Variants in CNTN4 observed in about 807,000 individuals in gnomAD.
CNTN4 encodes contactin-4.
Under a neutral mutation model 122.5 loss-of-function variants are expected in CNTN4, and 77 were observed. The observed-to-expected ratio is 0.63, with a 90% CI of 0.52 to 0.76. The LOEUF (loss-of-function observed/expected upper bound fraction) is 0.76. Among genes scored for constraint, CNTN4 ranks in the 30% least tolerant of loss-of-function variants. The pLI is 0.00. For missense variants in CNTN4, 1,256 were observed against 1,259.1 expected (o/e 1.00, Z 0.04); for synonymous variants, 512 against 447.0 (o/e 1.15, Z -1.83).
At chr3:2,447,337 GTCTT>G in intron 3 of CNTN4, among the ~76,000 whole-genome samples, 1 of 152,092 alleles carries the variant, frequency 6.6e-6, no homozygotes, top group South Asian at 2.1e-4. Context: ...ATTATCTAAT[GTCTT>G]TAAGAGTTAG....
At chr3:3,048,491 A>ACT (rs1700905752) in intron 23 of CNTN4, among the ~76,000 whole-genome samples, 1 of 133,456 alleles carries the variant, frequency 7.5e-6, no homozygotes, top group African/African-American at 2.8e-5. Flanking sequence ...CCAATGAATA[A>ACT]CTCTCTCTCT....
chr3:2,522,111 A>T (rs927789358), intron 3 of CNTN4, among the ~76,000 whole-genome samples: 3 of 151,656 alleles, frequency 2.0e-5, no homozygotes, highest in African/African-American at 7.3e-5. Flanking sequence ...CTCTACTGAC[A>T]TCATTAGATT....
rs566886914 is a variant in CNTN4 at position 2,612,407 on chromosome 3, G to A, written c.55+40849G>A. Among the ~76,000 whole-genome samples, 3 of 152,138 alleles carry A rather than the reference G, an allele frequency of 2.0e-5. No homozygotes were observed. In the South Asian group the frequency reaches 6.2e-4, roughly 32 times the overall value. ...TGTACAGAAACTTAAAAACAAAATGGTTGTATGGGTATTTGAAGTACAATT... is the reference window on the plus strand; with the variant it reads ...TGTACAGAAACTTAAAAACAAAATGATTGTATGGGTATTTGAAGTACAATT... On this transcript the variant is annotated intron_variant, in intron 4 of 24. Transcript: ENST00000418658.
intron 7 of CNTN4, 124 bp from the exon 8 acceptor site, chr3:2,866,628 G>T: frequency 8.5e-7 from 1 of 1,176,722 alleles, no homozygotes; most frequent in Non-Finnish European, 1.2e-6. Context: ...TCTGTATTTA[G>T]TGGGCTGAAA....
chr3:2,910,991 C>T (rs56234939), intron 12 of CNTN4, among the ~76,000 whole-genome samples: 62,896 of 152,016 alleles, frequency 0.41, 13,361 homozygotes, highest in East Asian at 0.65. Flanking sequence ...GCTGGAGCAC[C>T]TCCCACTCCC....
chr3:2,302,712 C>T (rs745311431), intron 2 of CNTN4, among the ~76,000 whole-genome samples: 10 of 152,178 alleles, frequency 6.6e-5, no homozygotes, highest in Non-Finnish European at 1.2e-4. Flanking sequence ...AACAACTCAC[C>T]ATTTCTGCCC....
intron 2 of CNTN4, among the ~76,000 whole-genome samples, chr3:2,176,629 A>G (rs1297274645): frequency 1.3e-5 from 2 of 152,194 alleles, no homozygotes; most frequent in African/African-American, 4.8e-5. Context: ...TTAGTATAAC[A>G]CTGCTTTAAG....
intron 3 of CNTN4, among the ~76,000 whole-genome samples, chr3:2,354,125 C>T (rs995712461): frequency 6.6e-6 from 1 of 152,244 alleles, no homozygotes; most frequent in African/African-American, 2.4e-5. Context: ...GTTACATAAG[C>T]TTCCCAATAT....
intron 3 of CNTN4, among the ~76,000 whole-genome samples, chr3:2,383,578 A>T (rs1052106941): frequency 2.4e-4 from 37 of 152,030 alleles, no homozygotes; most frequent in Non-Finnish European, 7.4e-5. Context: ...CATAAATGTA[A>T]CGACAGCACT....
intron 4 of CNTN4, among the ~76,000 whole-genome samples, chr3:2,608,074 G>A (rs1386620341): frequency 6.6e-6 from 1 of 152,108 alleles, no homozygotes; most frequent in Non-Finnish European, 1.5e-5. Context: ...TAAAATCACA[G>A]GAATTTATTG....
chr3:2,461,110 A>AG (rs2049189913), intron 3 of CNTN4, among the ~76,000 whole-genome samples: 1 of 152,146 alleles, frequency 6.6e-6, no homozygotes, highest in Admixed American at 6.6e-5. Flanking sequence ...AGGAACCTTG[A>AG]GGCCCATATT....
At chr3:2,467,103 T>C (rs1028262054) in intron 3 of CNTN4, among the ~76,000 whole-genome samples, 2 of 151,574 alleles carry the variant, frequency 1.3e-5, no homozygotes, top group African/African-American at 4.8e-5. Context: ...AATACATATT[T>C]TTCCCATTGG....
chr3:2,594,998 C>T (rs1483101260), intron 4 of CNTN4, among the ~76,000 whole-genome samples: 1 of 152,146 alleles, frequency 6.6e-6, no homozygotes, highest in Non-Finnish European at 1.5e-5. Context: ...GTCCCAATTC[C>T]ATCTCACATT....
chr3:2,230,987 C>CA (rs1189593199), intron 2 of CNTN4, among the ~76,000 whole-genome samples: 1 of 150,876 alleles, frequency 6.6e-6, no homozygotes, highest in East Asian at 2.0e-4. Context: ...GACTCTGTTT[C>CA]AAAAAAACAA....
chr3:3,056,162 G>T lies in CNTN4; in HGVS notation c.3023G>T (p.Cys1008Phe). ...TCTGGGGCTTCCACTTCGAATGCATGTACGCTGTCAGCCATCAGTACAATA... is the reference window on the plus strand; with the variant it reads ...TCTGGGGCTTCCACTTCGAATGCATTTACGCTGTCAGCCATCAGTACAATA... Reference protein sequence around the residue: ...RGSGASTSNACTLSAISTIMI... With the variant: ...RGSGASTSNAFTLSAISTIMI... Residue 1008 changes from cysteine (C) to phenylalanine (F), a missense_variant, in exon 25 of 25, where the codon TGT becomes TTT. Coordinates refer to ENST00000418658, the MANE Select transcript of CNTN4 (RefSeq NM_175607.3). The T allele has an allele frequency of 6.2e-7, 1 of 1,614,136 alleles. No individual in the cohort carries two copies. Among genetic ancestry groups the T allele is most frequent in the Non-Finnish European group, 8.5e-7 (1 of 1,179,996 alleles).
At chr3:2,191,215 C>T (rs983080509) in intron 2 of CNTN4, among the ~76,000 whole-genome samples, 9 of 151,438 alleles carry the variant, frequency 5.9e-5, no homozygotes, top group Non-Finnish European at 1.2e-4. Flanking sequence ...ACTACAGGCA[C>T]GTGGAACCAT....
chr3:2,961,098 T>C (rs183316813), intron 13 of CNTN4, among the ~76,000 whole-genome samples: 29,490 of 112,734 alleles, frequency 0.26, 4,211 homozygotes, highest in East Asian at 0.53. Context: ...GGCGTGGTGA[T>C]GGGCGCCTGT....
chr3:2,183,824 T>C (rs1407488864), intron 2 of CNTN4, among the ~76,000 whole-genome samples: 3 of 152,154 alleles, frequency 2.0e-5, no homozygotes, highest in African/African-American at 7.2e-5. Flanking sequence ...CATAAGTCTT[T>C]ACCCCAAATG....
At chr3:3,050,289 C>CA (rs199869558) in intron 23 of CNTN4, among the ~76,000 whole-genome samples, 1,835 of 151,394 alleles carry the variant, frequency 0.012, 31 homozygotes, top group African/African-American at 0.04. Context: ...ATGTCTAACT[C>CA]AAAAAAAATA....
Sources: gnomAD v4.1 joint callset for allele counts (sites outside exome capture counted in the v4.1 genomes callset) on GRCh38, gnomAD v4.1.1 for gene constraint, MANE v1.5 for transcripts, NCBI Gene and HGNC (gene_info 2026-07-23, HGNC 2026-07-21) for gene names.